The following GABRR1 variants were observed in gnomAD, a reference collection of about 807,000 sequenced individuals.
GABRR1 encodes the protein gamma-aminobutyric acid receptor subunit rho-1.
GABRR1 carries 59 observed loss-of-function variants against 55.5 expected under a neutral mutation model. That is an observed-to-expected ratio of 1.06 (90% CI 0.86 to 1.32). The LOEUF (loss-of-function observed/expected upper bound fraction) is 1.32. Ranked by LOEUF, GABRR1 falls within the 40% of genes most tolerant of loss-of-function variation. The pLI is 0.00. For synonymous variants in GABRR1, 213 were observed against 226.0 expected, an observed-to-expected ratio of 0.94 and a Z score of 0.51; for missense variants, 602 against 619.1, an observed-to-expected ratio of 0.97 and a Z score of 0.29.
upstream of GABRR1, chr6:89,221,185 C>T (rs1014580323): frequency 1.3e-5 from 2 of 152,368 alleles, no homozygotes; most frequent in South Asian, 2.1e-4. Flanking sequence ...CCAGGCAATG[C>T]TTAACTCCAG....
In GABRR1 at chr6:89,198,014, TC is replaced by T; in HGVS notation, c.572+5del. On this transcript the variant is annotated splice_donor_5th_base_variant and intron_variant, in intron 5 of 9. Coordinates refer to ENST00000454853, the MANE Select transcript of GABRR1 (RefSeq NM_002042.5). Reference sequence around the variant, plus strand: ...GTTAATATGAATGATCTGCCTTTCTTCCTACCTGAGACTATAGAGCACTTTC... The same window carrying T: ...GTTAATATGAATGATCTGCCTTTCTTCTACCTGAGACTATAGAGCACTTTC... 4 of 1,611,394 alleles carry T rather than the reference TC, an allele frequency of 2.5e-6. No individual in the cohort carries two copies. The highest frequency in any genetic ancestry group is 3.4e-6 in the Non-Finnish European group (4 of 1,177,540).
intron 1 of GABRR1, chr6:89,204,546 G>A (rs1196698285): frequency 1.1e-6 from 1 of 933,748 alleles, no homozygotes; most frequent in Non-Finnish European, 1.4e-6. Context: ...GGAGACAGGA[G>A]GGAATGAAAG....
chr6:89,183,000 T>C (rs1771776481), intron 7 of GABRR1, among the ~76,000 whole-genome samples: 1 of 151,846 alleles, frequency 6.6e-6, no homozygotes, highest in Non-Finnish European at 1.5e-5. Flanking sequence ...AGAAATGTGC[T>C]TTAAGTTAAA....
intron 6 of GABRR1, among the ~76,000 whole-genome samples, chr6:89,189,624 C>T (rs1772023138): frequency 6.8e-6 from 1 of 147,028 alleles, no homozygotes; most frequent in Non-Finnish European, 1.5e-5. Context: ...AACTAACCTG[C>T]ACAATGTGCA....
chr6:89,203,615 A>G, intron 1 of GABRR1, 130 bp from the exon 2 acceptor site: 2 of 719,810 alleles, frequency 2.8e-6, no homozygotes, highest in South Asian at 3.4e-5. Flanking sequence ...AGAAAAAACT[A>G]CGAAGATTCA....
chr6:89,209,669 C>T (rs117060712), intron 1 of GABRR1, among the ~76,000 whole-genome samples: 2,612 of 152,138 alleles, frequency 0.017, 35 homozygotes, highest in Non-Finnish European at 0.025. Flanking sequence ...CACCGCAATC[C>T]CAAGAGCCAC....
intron 2 of GABRR1, among the ~76,000 whole-genome samples, chr6:89,202,283 T>TTTTG (rs370710274): frequency 8.4e-4 from 114 of 135,348 alleles, no homozygotes; most frequent in Non-Finnish European, 1.5e-3. Flanking sequence ...TGTTTCGTTT[T>TTTTG]TTTGTTTGTT....
At chr6:89,231,098 G>T (rs1231405975) in intron 1 of GABRR1, 1 of 152,192 alleles carries the variant, frequency 6.6e-6, no homozygotes, top group African/African-American at 2.4e-5. Context: ...CCCAGGTGAG[G>T]CAATGCCTCG....
intron 1 of GABRR1, among the ~76,000 whole-genome samples, chr6:89,215,493 T>C (rs1452391797): frequency 6.6e-6 from 1 of 152,148 alleles, no homozygotes. Flanking sequence ...AGAAATCATA[T>C]TAACAGACAG....
intron 6 of GABRR1, among the ~76,000 whole-genome samples, chr6:89,189,960 C>T (rs927434401): frequency 6.6e-6 from 1 of 151,968 alleles, no homozygotes; most frequent in Non-Finnish European, 1.5e-5. Context: ...GCAGGAGAAT[C>T]ACTTGAACCT....
intron 1 of GABRR1, among the ~76,000 whole-genome samples, chr6:89,230,972 G>C (rs927714539): frequency 9.9e-5 from 15 of 151,620 alleles, no homozygotes; most frequent in African/African-American, 3.6e-4. Context: ...GTGGTGCGCC[G>C]TTTTTTAAGC....
Position 89,178,656 on chromosome 6 carries a change from A to C in GABRR1, c.*114T>G. ...GAAAGCTGCAGAAGGGATAGTGAAA[A>C]CATGGGTGGGTCCTGGGATTTTTTT... On this transcript the variant is annotated 3_prime_UTR_variant, in exon 10 of 10. Coordinates refer to ENST00000454853, the MANE Select transcript of GABRR1 (RefSeq NM_002042.5). 1.2e-6 allele frequency: 1 copy of C among 861,084 alleles called. No homozygotes were observed. Among genetic ancestry groups the C allele is most frequent in the Non-Finnish European group, 1.8e-6 (1 of 564,418 alleles). 53.3% of individuals were successfully genotyped at this position (861,084 alleles called of 1,614,324 possible).
At chr6:89,218,384 T>C (rs188862490), upstream of GABRR1, among the ~76,000 whole-genome samples, 11 of 152,350 alleles carry the variant, frequency 7.2e-5, no homozygotes, top group East Asian at 2.1e-3. Context: ...GAAATGCAGT[T>C]GTTTTAAGGT....
At chr6:89,196,263 T>G (rs1223620926) in intron 5 of GABRR1, among the ~76,000 whole-genome samples, 1 of 152,264 alleles carries the variant, frequency 6.6e-6, no homozygotes, top group African/African-American at 2.4e-5. Flanking sequence ...GAATTTATAA[T>G]AAAGAGCATT....
intron 5 of GABRR1, among the ~76,000 whole-genome samples, chr6:89,196,893 A>C (rs1038987040): frequency 6.7e-6 from 1 of 148,900 alleles, no homozygotes; most frequent in African/African-American, 2.5e-5. Context: ...AGAGAAGAAA[A>C]AAGAAAAGAA....
intron 1 of GABRR1, among the ~76,000 whole-genome samples, chr6:89,203,793 T>A (rs1772555766): frequency 6.6e-6 from 1 of 152,184 alleles, no homozygotes; most frequent in South Asian, 2.1e-4. Flanking sequence ...CTCTTAAGGA[T>A]GTGTACACTT....
chr6:89,190,295 G>A (rs749211338), intron 5 of GABRR1, 48 bp from the exon 6 acceptor site: 39 of 1,380,190 alleles, frequency 2.8e-5, no homozygotes, highest in Admixed American at 6.0e-5. Context: ...TGCAAAAGAC[G>A]AGTGCAAAAT....
chr6:89,195,863 A>G (rs570189188), intron 5 of GABRR1, among the ~76,000 whole-genome samples: 133 of 152,336 alleles, frequency 8.7e-4, no homozygotes, highest in Middle Eastern at 3.4e-3. Flanking sequence ...GAAATCAGCC[A>G]CGATGGGAGT....
At chr6:89,181,799 C>G in intron 8 of GABRR1, 106 bp downstream of exon 8, 7 of 1,168,196 alleles carry the variant, frequency 6.0e-6, no homozygotes, top group Non-Finnish European at 8.4e-6. Flanking sequence ...AGTCATAACG[C>G]CAAAAGGGAT....
Sources: gnomAD v4.1 joint callset for allele counts (sites outside exome capture counted in the v4.1 genomes callset) on GRCh38, gnomAD v4.1.1 for gene constraint, MANE v1.5 for transcripts, NCBI Gene and HGNC (gene_info 2026-07-23, HGNC 2026-07-21) for gene names.